ZFYVE9: variants seen among roughly 807,000 people sequenced by gnomAD.
ZFYVE9 encodes zinc finger FYVE-type containing 9, also known as zinc finger FYVE domain-containing protein 9.
In ZFYVE9, 43 loss-of-function variants were observed where a neutral mutation model predicts 126.7. That is an observed-to-expected ratio of 0.34 (90% CI 0.27 to 0.44). ZFYVE9 has a LOEUF of 0.44. Among genes scored for constraint, ZFYVE9 ranks in the 20% least tolerant of loss-of-function variants. The pLI is 1.00. For synonymous variants in ZFYVE9, 521 were observed against 597.4 expected (o/e 0.87, Z 1.87); for missense variants, 1,476 against 1,697.0 (o/e 0.87, Z 2.29).
At chr1:52,155,876 G>GT (rs1461402534) in intron 1 of ZFYVE9, among the ~76,000 whole-genome samples, 6 of 152,220 alleles carry the variant, frequency 3.9e-5, no homozygotes, top group Non-Finnish European at 7.3e-5. Flanking sequence ...TGGAGGGGAT[G>GT]TGTTGGCATG....
chr1:52,151,896 A>T (rs1188661250), intron 1 of ZFYVE9, among the ~76,000 whole-genome samples: 1 of 152,138 alleles, frequency 6.6e-6, no homozygotes, highest in African/African-American at 2.4e-5. Flanking sequence ...TCAGCTTACT[A>T]TATATCCCTT....
At chr1:52,177,728 T>C (rs1173060069) in intron 1 of ZFYVE9, among the ~76,000 whole-genome samples, 1 of 152,108 alleles carries the variant, frequency 6.6e-6, no homozygotes, top group African/African-American at 2.4e-5. Flanking sequence ...GTTCTCCAGA[T>C]GGATAAAGAT....
intron 1 of ZFYVE9, among the ~76,000 whole-genome samples, chr1:52,161,005 G>A (rs1644452740): frequency 6.6e-6 from 1 of 152,042 alleles, no homozygotes; most frequent in South Asian, 2.1e-4. Flanking sequence ...GATATTTTCT[G>A]TGACAGACAA....
chr1:52,243,047 T>C (rs1390445397), intron 4 of ZFYVE9, among the ~76,000 whole-genome samples: 1 of 152,238 alleles, frequency 6.6e-6, no homozygotes, highest in Non-Finnish European at 1.5e-5. Flanking sequence ...TGATTTGTCT[T>C]TGTATCCAGC....
At chr1:52,257,823 C>A (rs559701551) in intron 4 of ZFYVE9, among the ~76,000 whole-genome samples, 3 of 152,194 alleles carry the variant, frequency 2.0e-5, no homozygotes, top group Admixed American at 2.0e-4. Flanking sequence ...CAACCTCCAC[C>A]TCTTGGGTTC....
rs3790525 is a variant in ZFYVE9, at chr1:52,238,658, A to C, written c.1241A>C (p.Gln414Pro). 1.8e-3 allele frequency: 2,865 copies of C among 1,614,144 alleles called. 81 individuals are homozygous for C. The East Asian group carries it at 0.056, about 32-fold the overall frequency. ...AAACTAAATGAGATGAATGATAGCC[A>C]AGTAAACGAAGAAAAGGAAAAGTTT... ...LTKLNEMNDS[Q>P]VNEEKEKFLQ... The change falls in exon 4 of 19, where the codon CAA (glutamine) becomes CCA (proline). Residue 414 changes from glutamine (Q) to proline (P), a missense_variant. Transcript: ENST00000287727.
chr1:52,329,712 T>TG (rs1359573144), intron 13 of ZFYVE9, among the ~76,000 whole-genome samples: 1 of 151,654 alleles, frequency 6.6e-6, no homozygotes, highest in Non-Finnish European at 1.5e-5. Flanking sequence ...GAGACCATCA[T>TG]GGTTAATACG....
chr1:52,217,076 T>G (rs1645078364), intron 2 of ZFYVE9, among the ~76,000 whole-genome samples: 1 of 152,194 alleles, frequency 6.6e-6, no homozygotes, highest in Non-Finnish European at 1.5e-5. Flanking sequence ...AGACAGAAAT[T>G]TTCTCAGCAA....
intron 10 of ZFYVE9, among the ~76,000 whole-genome samples, chr1:52,287,367 C>T (rs1254625350): frequency 2.0e-5 from 3 of 152,162 alleles, no homozygotes; most frequent in Non-Finnish European, 2.9e-5. Context: ...CCCGCCTGGG[C>T]CACCCAAAAT....
chr1:52,218,083 C>T (rs907435375), intron 2 of ZFYVE9, among the ~76,000 whole-genome samples: 1 of 152,182 alleles, frequency 6.6e-6, no homozygotes, highest in Admixed American at 6.5e-5. Flanking sequence ...ATTTGGTACC[C>T]TCCGCAGGAC....
rs1228646226 is a variant in ZFYVE9, at chr1:52,160,526, C to T, written c.-143+18123C>T. 5 of 777,664 alleles carry T rather than the reference C, an allele frequency of 6.4e-6. No homozygotes were observed. The African/African-American group carries it at 6.8e-5, about 11-fold the overall frequency. The allele number at this position is 777,664 out of a possible 1,614,324, so 48.2% of individuals were successfully genotyped here. A position where few individuals can be genotyped will look rare whatever the true frequency, so the allele number is the denominator to read the frequency against. On this transcript the variant is annotated intron_variant, in intron 1 of 18. Transcript: ENST00000287727. ...GGCTACTCTAGCCACCACGCTGATGCCCCAGCCCTTGTGACACGCCTCAAG... is the reference window on the plus strand; with the variant it reads ...GGCTACTCTAGCCACCACGCTGATGTCCCAGCCCTTGTGACACGCCTCAAG...
chr1:52,216,865 G>A (rs545732468), intron 2 of ZFYVE9, among the ~76,000 whole-genome samples: 1 of 152,198 alleles, frequency 6.6e-6, no homozygotes, highest in South Asian at 2.1e-4. Context: ...ATTTTATTTT[G>A]TATTTTTAGG....
chr1:52,159,468 C>T (rs150373773), intron 1 of ZFYVE9, among the ~76,000 whole-genome samples: 8 of 152,224 alleles, frequency 5.3e-5, no homozygotes, highest in South Asian at 4.1e-4. Context: ...TCTCAGAGTG[C>T]GATGCAGGTC....
chr1:52,239,226 T>A lies in ZFYVE9; in HGVS notation c.1809T>A (p.Phe603Leu). The A allele has an allele frequency of 6.2e-7, 1 of 1,614,148 alleles. No homozygotes were observed. Among genetic ancestry groups the A allele is most frequent in the South Asian group, 1.1e-5 (1 of 91,082 alleles). The part of the protein sequence containing the change: ...KPLSDHLQND[F>L]PANSGNNTKN... Reference sequence around the variant, plus strand: ...TATCAGACCATTTACAAAATGACTTTCCTGCAAACAGTGGAAATAATACTA... The same window carrying A: ...TATCAGACCATTTACAAAATGACTTACCTGCAAACAGTGGAAATAATACTA... The change falls in exon 4 of 19, where the codon TTT becomes TTA. Residue 603 changes from phenylalanine (F) to leucine (L), a missense_variant. Transcript: ENST00000287727.
chr1:52,295,905 C>T lies in ZFYVE9; in HGVS notation c.3261C>T (p.Cys1087=). The T allele has an allele frequency of 3.1e-6, 5 of 1,613,138 alleles. No homozygotes were observed. Among genetic ancestry groups the T allele is most frequent in the Non-Finnish European group, 4.2e-6 (5 of 1,179,542 alleles). ...RLGAEYRLYP[C]PLFSVRFRKP... The stretch of plus-strand genomic sequence containing the variant: ...TTCTCATTTCCATAGTTTATCCATG[C>T]CCACTATTCAGTGTCAGATTTCGGA... Residue 1087 remains cysteine (C), a synonymous_variant, in exon 12 of 19, where the codon TGC becomes TGT. Transcript: ENST00000287727.
chr1:52,167,876 C>T (rs1286642538), intron 1 of ZFYVE9, among the ~76,000 whole-genome samples: 1 of 152,184 alleles, frequency 6.6e-6, no homozygotes, highest in Non-Finnish European at 1.5e-5. Context: ...CATTCAGATC[C>T]TGTGAGATGC....
intron 17 of ZFYVE9, among the ~76,000 whole-genome samples, chr1:52,341,959 C>T (rs765940182): frequency 6.6e-6 from 1 of 152,126 alleles, no homozygotes; most frequent in South Asian, 2.1e-4. Context: ...CTCCTTTTTG[C>T]TCCCCAGTAG....
chr1:52,261,018 C>G (rs1557487020), intron 4 of ZFYVE9, among the ~76,000 whole-genome samples: 1 of 151,974 alleles, frequency 6.6e-6, no homozygotes, highest in South Asian at 2.1e-4. Flanking sequence ...ATACTATTTC[C>G]TCTACTATTA....
At chr1:52,193,393 C>CAAAA (rs397863555) in intron 1 of ZFYVE9, among the ~76,000 whole-genome samples, 2 of 95,826 alleles carry the variant, frequency 2.1e-5, no homozygotes, top group African/African-American at 7.6e-5. Context: ...TTGTCAGTAT[C>CAAAA]AAAAAAAAAA....
Sources: gnomAD v4.1 joint callset for allele counts (sites outside exome capture counted in the v4.1 genomes callset) on GRCh38, gnomAD v4.1.1 for gene constraint, MANE v1.5 for transcripts, NCBI Gene and HGNC (gene_info 2026-07-23, HGNC 2026-07-21) for gene names.